RASGRF1: variants seen among roughly 807,000 people sequenced by gnomAD.
The protein encoded by RASGRF1 is ras-specific guanine nucleotide-releasing factor 1.
Under a neutral mutation model 138.7 loss-of-function variants are expected in RASGRF1, and 40 were observed. The ratio of observed to expected loss-of-function variants is 0.29; its 90% CI spans 0.22 to 0.38. The LOEUF is 0.38. Ranked by LOEUF, RASGRF1 falls within the 10% of genes least tolerant of loss-of-function variation. RASGRF1 has a pLI of 1.00. For missense variants in RASGRF1, 1,108 were observed against 1,650.4 expected, an observed-to-expected ratio of 0.67 and a Z score of 5.69; for synonymous variants, 614 against 663.2, an observed-to-expected ratio of 0.93 and a Z score of 1.14.
intron 1 of RASGRF1, among the ~76,000 whole-genome samples, chr15:79,074,755 G>C (rs1328424241): frequency 6.6e-6 from 1 of 152,110 alleles, no homozygotes; most frequent in Non-Finnish European, 1.5e-5. Flanking sequence ...ACCACCAATG[G>C]GCCGCACCCG....
intron 15 of RASGRF1, among the ~76,000 whole-genome samples, chr15:79,002,562 T>TAC (rs994310779): frequency 1.3e-5 from 2 of 151,838 alleles, no homozygotes; most frequent in African/African-American, 4.8e-5. Flanking sequence ...CACACACATA[T>TAC]ACACACACAC....
At chr15:78,967,367 A>G (rs535054482) in intron 26 of RASGRF1, among the ~76,000 whole-genome samples, 1 of 152,300 alleles carries the variant, frequency 6.6e-6, no homozygotes, top group South Asian at 2.1e-4. Flanking sequence ...ACAACATGGC[A>G]AAACCCTGTT....
At chr15:79,026,023 A>G (rs2057044248) in intron 9 of RASGRF1, among the ~76,000 whole-genome samples, 1 of 152,022 alleles carries the variant, frequency 6.6e-6, no homozygotes, top group South Asian at 2.1e-4. Flanking sequence ...GAGCCCAGAC[A>G]GAGCTTCTCA....
rs138262662 is a variant in RASGRF1, at chr15:79,006,655, G to C, written c.1827-221C>G. ...TAAAACCCCTAGAAATACTGGAGAA[G>C]TATTACAAATTTAAAAACATTTGTT... On this transcript the variant is annotated intron_variant, in intron 13 of 26. Coordinates refer to ENST00000558480, the MANE Select transcript of RASGRF1 (RefSeq NM_001145648.3). The surrounding 1 kb of genome is among the most constrained non-coding windows in gnomAD (Gnocchi z 4.0). Among the ~76,000 whole-genome samples, 387 of 152,318 alleles carry C rather than the reference G, an allele frequency of 2.5e-3. 2 individuals are homozygous for C. Among genetic ancestry groups the C allele is most frequent in the African/African-American group, 9.0e-3 (375 of 41,572 alleles).
At chr15:78,970,566 C>T (rs968653164) in intron 26 of RASGRF1, among the ~76,000 whole-genome samples, 13 of 134,526 alleles carry the variant, frequency 9.7e-5, no homozygotes, top group East Asian at 2.3e-4. Context: ...GAGGTTGCAG[C>T]GAGCCAAGAT....
intron 10 of RASGRF1, among the ~76,000 whole-genome samples, chr15:79,023,179 A>G (rs1346054379): frequency 3.1e-5 from 4 of 128,958 alleles, no homozygotes; most frequent in East Asian, 2.8e-4. Context: ...GTCTTGGGGA[A>G]AAAAAAAAAA....
intron 9 of RASGRF1, among the ~76,000 whole-genome samples, chr15:79,025,981 G>A (rs2057043100): frequency 6.6e-6 from 1 of 151,220 alleles, no homozygotes; most frequent in African/African-American, 2.4e-5. Flanking sequence ...GCCATGGCAG[G>A]CATCACCAAT....
intron 13 of RASGRF1, among the ~76,000 whole-genome samples, chr15:79,008,283 A>G (rs1412865763): frequency 6.6e-6 from 1 of 152,232 alleles, no homozygotes; most frequent in Admixed American, 6.5e-5. Context: ...AAATAAATAA[A>G]CTTTATCGAG....
chr15:78,962,019 A>G lies in RASGRF1; in HGVS notation c.*125T>C. The G allele has an allele frequency of 1.5e-6, 1 of 663,314 alleles. No homozygotes were observed. Among genetic ancestry groups the G allele is most frequent in the South Asian group, 1.9e-5 (1 of 53,136 alleles). 41.1% of individuals were successfully genotyped at this position (663,314 alleles called of 1,614,324 possible). On this transcript the variant is annotated 3_prime_UTR_variant, in exon 27 of 27. Transcript: ENST00000558480. ...TCCGGTTCTACAGGAATCTAAGAAC[A>G]AGGACGATTTGTATTCTTGGAGAAG...
chr15:79,053,372 G>T (rs1317086035), intron 3 of RASGRF1, among the ~76,000 whole-genome samples: 1 of 152,190 alleles, frequency 6.6e-6, no homozygotes, highest in African/African-American at 2.4e-5. Flanking sequence ...GTGTGTTCCC[G>T]TTCCAATAAA....
intron 5 of RASGRF1, among the ~76,000 whole-genome samples, chr15:79,036,368 G>A (rs894407365): frequency 6.6e-6 from 1 of 152,178 alleles, no homozygotes; most frequent in Non-Finnish European, 1.5e-5. Context: ...TCTGTCCCTG[G>A]AATGTTCTCC....
chr15:79,030,117 G>A (rs764327053), intron 8 of RASGRF1, among the ~76,000 whole-genome samples: 1 of 152,174 alleles, frequency 6.6e-6, no homozygotes, highest in Non-Finnish European at 1.5e-5. Context: ...ACTCAGGTGT[G>A]CAACTTGGCT....
intron 24 of RASGRF1, chr15:78,979,007 G>A (rs2055951930): frequency 6.2e-6 from 8 of 1,293,124 alleles, no homozygotes; most frequent in Non-Finnish European, 7.1e-6. Flanking sequence ...AGAGGCAGTG[G>A]AGGCAGCGGT....
At chr15:78,995,989 G>A (rs1224731601) in intron 19 of RASGRF1, among the ~76,000 whole-genome samples, 189 bp from the exon 20 acceptor site, 1 of 152,220 alleles carries the variant, frequency 6.6e-6, no homozygotes, top group Non-Finnish European at 1.5e-5. Flanking sequence ...GGCTGTGGGA[G>A]GTCCCCTTCT....
chr15:79,063,257 A>T (rs1003235835), intron 2 of RASGRF1, among the ~76,000 whole-genome samples: 1 of 152,192 alleles, frequency 6.6e-6, no homozygotes, highest in Non-Finnish European at 1.5e-5. Flanking sequence ...CTATTGGTTC[A>T]TATGTGACAA....
At chr15:79,041,194 T>C (rs1313464196) in intron 5 of RASGRF1, among the ~76,000 whole-genome samples, 1 of 152,250 alleles carries the variant, frequency 6.6e-6, no homozygotes, top group African/African-American at 2.4e-5. Context: ...TTTATTGTAA[T>C]ATAGCCACAC....
At chr15:79,063,282 C>T (rs1294425540) in intron 2 of RASGRF1, among the ~76,000 whole-genome samples, 1 of 152,172 alleles carries the variant, frequency 6.6e-6, no homozygotes, top group Non-Finnish European at 1.5e-5. Context: ...GTCTCTGTAG[C>T]TAGAATGGAT....
intron 1 of RASGRF1, among the ~76,000 whole-genome samples, chr15:79,079,214 C>A (rs1172741791): frequency 6.6e-6 from 1 of 152,190 alleles, no homozygotes; most frequent in African/African-American, 2.4e-5. Context: ...TGGTCCTGCA[C>A]AAACATCTTT....
intron 19 of RASGRF1, among the ~76,000 whole-genome samples, chr15:78,996,364 GGT>G (rs1355175987): frequency 6.6e-6 from 1 of 152,210 alleles, no homozygotes; most frequent in African/African-American, 2.4e-5. Context: ...AGCCACAGCT[GGT>G]GAGTACCAAC....
Sources: allele counts gnomAD v4.1 joint callset (sites outside exome capture counted in the v4.1 genomes callset), GRCh38; gene constraint gnomAD v4.1.1; non-coding constraint Gnocchi (gnomAD v3.1); transcripts MANE v1.5; gene names NCBI Gene and HGNC (gene_info 2026-07-23, HGNC 2026-07-21).